Variants in SLCO4A1 observed in about 807,000 individuals in gnomAD.
SLCO4A1 encodes the protein colon organic anion transporter.
In SLCO4A1, 51 loss-of-function variants were observed where a neutral mutation model predicts 64.6. The ratio of observed to expected loss-of-function variants is 0.79; its 90% CI spans 0.63 to 1.00. The LOEUF is 1.00. Among genes scored for constraint, SLCO4A1 ranks in the 50% least tolerant of loss-of-function variants. The pLI, the probability that SLCO4A1 is intolerant of heterozygous loss-of-function variation, is 0.00. For synonymous variants in SLCO4A1, 471 were observed against 444.9 expected (o/e 1.06, Z -0.74); for missense variants, 919 against 980.5 (o/e 0.94, Z 0.84).
In SLCO4A1 at chr20:62,644,898, G is replaced by C. The variant is rs924028330; in HGVS notation, c.-97+2345G>C. ...TGGTGCTGGGGGCAGGAGGGAGCAG[G>C]GCCCTTGGAGCTCTGGGAGAGAGCC... On this transcript the variant is annotated intron_variant, in intron 1 of 11. Transcript: ENST00000217159. The surrounding 1 kb of genome is among the most constrained non-coding windows in gnomAD (Gnocchi z 5.4). Among the ~76,000 whole-genome samples the C allele has an allele frequency of 1.3e-5, 2 of 152,182 alleles. No individual in the cohort carries two copies. The highest frequency in any genetic ancestry group is 2.9e-5 in the Non-Finnish European group (2 of 68,038).
At chr20:62,666,628 C>T in intron 7 of SLCO4A1, 53 bp downstream of exon 7, 3 of 1,486,544 alleles carry the variant, frequency 2.0e-6, no homozygotes, top group Non-Finnish European at 2.8e-6. Context: ...CACCCGCGGT[C>T]CCTGGGCATG....
chr20:62,672,030 C>T lies in SLCO4A1; in HGVS notation c.*137C>T. On this transcript the variant is annotated 3_prime_UTR_variant, in exon 12 of 12. Transcript: ENST00000217159. ...TACTTAACCTGTGGTTTAAAGTCGG[C>T]TGTGACCTCCTGTCCCCAGAGCTGT... 1 of 1,557,892 alleles carries T rather than the reference C, an allele frequency of 6.4e-7. No homozygotes were observed. The highest frequency in any genetic ancestry group is 8.6e-7 in the Non-Finnish European group (1 of 1,156,996).
In SLCO4A1 at chr20:62,668,546, T is replaced by C. The variant is rs756905263; in HGVS notation, c.1876+5T>C. Reference sequence around the variant, plus strand: ...GGATTGTAGTTAGAATACTAGGTACTGTGCAGTGTGAGGAAGCCATGGTCA... The same window carrying C: ...GGATTGTAGTTAGAATACTAGGTACCGTGCAGTGTGAGGAAGCCATGGTCA... On this transcript the variant is annotated splice_donor_5th_base_variant and intron_variant, in intron 10 of 11. Coordinates refer to ENST00000217159, the MANE Select transcript of SLCO4A1 (RefSeq NM_016354.4). 6.2e-7 allele frequency: 1 copy of C among 1,611,884 alleles called. No homozygotes were observed. Among genetic ancestry groups the C allele is most frequent in the Non-Finnish European group, 8.5e-7 (1 of 1,178,128 alleles).
intron 5 of SLCO4A1, among the ~76,000 whole-genome samples, chr20:62,662,735 C>A (rs576219756): frequency 3.4e-5 from 5 of 149,108 alleles, no homozygotes; most frequent in Non-Finnish European, 7.5e-5. Context: ...GGGTGCCCAC[C>A]CCAGCCCCAT....
intron 6 of SLCO4A1, chr20:62,666,122 CCCCTTCCCCTT>C (rs1213189070): frequency 2.0e-5 from 1 of 49,184 alleles, no homozygotes; most frequent in African/African-American, 8.4e-5. Flanking sequence ...CCCCCCGCTC[CCCCTTCCCCTT>C]CCCCTTCCCC....
At chr20:62,665,263 A>G (rs965807808) in intron 6 of SLCO4A1, 175 bp downstream of exon 6, 6 of 645,224 alleles carry the variant, frequency 9.3e-6, no homozygotes, top group African/African-American at 1.8e-5. Context: ...CTCTGTCCAC[A>G]GGCCGGGAGA....
chr20:62,687,070 C>T (rs1303223509), downstream of SLCO4A1, among the ~76,000 whole-genome samples: 2 of 147,712 alleles, frequency 1.4e-5, no homozygotes, highest in Non-Finnish European at 3.0e-5. Flanking sequence ...CACCCCCAAA[C>T]AGGCACGATG....
intron 4 of SLCO4A1, 61 bp downstream of exon 4, chr20:62,660,594 A>G (rs1984594863): frequency 6.4e-6 from 10 of 1,569,152 alleles, no homozygotes; most frequent in Non-Finnish European, 8.7e-6. Context: ...GTCTTCGCGA[A>G]GGGGGCACCC....
chr20:62,643,003 G>T (rs781634408), intron 1 of SLCO4A1: 1 of 470,190 alleles, frequency 2.1e-6, no homozygotes, highest in Non-Finnish European at 4.4e-6. Flanking sequence ...CAGAGTTGCG[G>T]AGTCACCCAC....
intron 11 of SLCO4A1, among the ~76,000 whole-genome samples, chr20:62,671,489 T>C (rs1987206860): frequency 6.6e-6 from 1 of 152,256 alleles, no homozygotes; most frequent in Non-Finnish European, 1.5e-5. Flanking sequence ...TGTCTGGCAC[T>C]GTTCAACCCA....
chr20:62,646,522 TG>T (rs1981361035), intron 1 of SLCO4A1, among the ~76,000 whole-genome samples: 1 of 152,196 alleles, frequency 6.6e-6, no homozygotes. Context: ...GTCCTGAGCA[TG>T]GGCAGGGCAA....
intron 1 of SLCO4A1, chr20:62,643,105 T>C: frequency 4.4e-6 from 2 of 449,654 alleles, no homozygotes; most frequent in Non-Finnish European, 9.2e-6. Flanking sequence ...CCAGAGGCGC[T>C]CGAGACATCT....
chr20:62,673,204 G>T (rs1987405224), downstream of SLCO4A1, among the ~76,000 whole-genome samples: 3 of 142,460 alleles, frequency 2.1e-5, 1 homozygote, highest in Non-Finnish European at 4.8e-5. Flanking sequence ...ATGATGGGGA[G>T]CAGGGGGTGC....
Position 62,661,190 on chromosome 20 carries a change from C to T in SLCO4A1, c.1121+15C>T, listed in dbSNP as rs375505634. ...GACCTGCCTCTGTAAGGACCGGAGT[C>T]GGGAGGGTTCCTAGTGTCCTCAGAC... On this transcript the variant is annotated intron_variant, in intron 5 of 11. Coordinates refer to ENST00000217159, the MANE Select transcript of SLCO4A1 (RefSeq NM_016354.4). This position sits in a 1 kb window ranked among gnomAD's most constrained non-coding sequence, Gnocchi z 5.2. 1.0e-5 allele frequency: 16 copies of T among 1,579,778 alleles called. No individual in the cohort carries two copies. The highest frequency in any genetic ancestry group is 4.5e-5 in the East Asian group (2 of 44,726).
chr20:62,681,528 G>A (rs1987831180), intron 2 of SLCO4A1, among the ~76,000 whole-genome samples: 1 of 69,082 alleles, frequency 1.4e-5, no homozygotes, highest in Admixed American at 1.7e-4. Context: ...TAAGCCGTGT[G>A]TACACACTCG....
chr20:62,665,803 T>TCTGTCCCCTCCCCAC (rs1986108013), intron 6 of SLCO4A1: 1 of 84,888 alleles, frequency 1.2e-5, no homozygotes, highest in African/African-American at 4.6e-5. Context: ...TCCCCCCAAA[T>TCTGTCCCCTCCCCAC]CTGTCCCCTC....
rs1980966391 is a variant in SLCO4A1, at chr20:62,644,473, G to C, written c.-97+1920G>C. Among the ~76,000 whole-genome samples the C allele has an allele frequency of 6.6e-6, 1 of 152,214 alleles. No homozygotes were observed. The highest frequency in any genetic ancestry group is 6.5e-5 in the Admixed American group (1 of 15,286). ...GCTGGGCACGTGGCAGGCAGGGCAGGCTGGGCCAGGTGAAGGGTGGCCAGG... is the reference window on the plus strand; with the variant it reads ...GCTGGGCACGTGGCAGGCAGGGCAGCCTGGGCCAGGTGAAGGGTGGCCAGG... On this transcript the variant is annotated intron_variant, in intron 1 of 11. Coordinates refer to ENST00000217159, the MANE Select transcript of SLCO4A1 (RefSeq NM_016354.4). The surrounding 1 kb of genome is among the most constrained non-coding windows in gnomAD (Gnocchi z 5.4).
At position 62,644,250 on chromosome 20, in the gene SLCO4A1, G is replaced by A. The variant is rs1262963581; in HGVS notation, c.-97+1697G>A. On this transcript the variant is annotated intron_variant, in intron 1 of 11. Coordinates refer to ENST00000217159, the MANE Select transcript of SLCO4A1 (RefSeq NM_016354.4). This position sits in a 1 kb window ranked among gnomAD's most constrained non-coding sequence, Gnocchi z 5.4. The stretch of plus-strand genomic sequence containing the variant: ...GCCGGCCACTCGGTGAGACCTGGAC[G>A]CTGACCACAGCCAGGCTGCCCTGAC... 1.3e-5 allele frequency among the ~76,000 whole-genome samples: 2 copies of A among 152,260 alleles called. No individual in the cohort carries two copies. Among genetic ancestry groups the A allele is most frequent in the East Asian group, 1.9e-4 (1 of 5,202 alleles).
chr20:62,661,142 C>G lies in SLCO4A1; in HGVS notation c.1088C>G (p.Pro363Arg). 1 of 1,612,822 alleles carries G rather than the reference C, an allele frequency of 6.2e-7. No individual in the cohort carries two copies. Among genetic ancestry groups the G allele is most frequent in the Non-Finnish European group, 8.5e-7 (1 of 1,179,592 alleles). The change falls in exon 5 of 12, where the codon CCG becomes CGG. Residue 363 changes from proline to arginine, a missense_variant. Transcript: ENST00000217159. The surrounding 1 kb of genome is among the most constrained non-coding windows in gnomAD (Gnocchi z 5.2). The stretch of plus-strand genomic sequence containing the variant: ...AGCAGCCGTGGGGAGGCGAGCAACC[C>G]GGACTTTGGGAAAACCATCAGAGAC... ...KDSSRGEASN[P>R]DFGKTIRDLP...
Sources: gnomAD v4.1 joint callset for allele counts (sites outside exome capture counted in the v4.1 genomes callset) on GRCh38, gnomAD v4.1.1 for gene constraint, Gnocchi (gnomAD v3.1) non-coding constraint, MANE v1.5 for transcripts, NCBI Gene and HGNC (gene_info 2026-07-23, HGNC 2026-07-21) for gene names.